Variants in TRAPPC3L observed in about 807,000 individuals in gnomAD.
TRAPPC3L encodes trafficking protein particle complex subunit 3-like protein.
Under a neutral mutation model 23.7 loss-of-function variants are expected in TRAPPC3L, and 23 were observed. The observed-to-expected ratio is 0.97, with a 90% CI of 0.70 to 1.37. The LOEUF is 1.37. Among genes scored for constraint, TRAPPC3L ranks in the 40% most tolerant of loss-of-function variants. TRAPPC3L has a pLI of 0.00. For missense variants in TRAPPC3L, 212 were observed against 216.8 expected (o/e 0.98, Z 0.14); for synonymous variants, 81 against 77.9 (o/e 1.04, Z -0.21).
At chr6:116,527,819 G>C (rs962219434) in intron 3 of TRAPPC3L, among the ~76,000 whole-genome samples, 1 of 152,208 alleles carries the variant, frequency 6.6e-6, no homozygotes, top group South Asian at 2.1e-4. Flanking sequence ...CTAGGAGGGA[G>C]AGCATTTGGA....
intron 3 of TRAPPC3L, among the ~76,000 whole-genome samples, chr6:116,536,910 A>G (rs910790471): frequency 6.6e-6 from 1 of 151,170 alleles, no homozygotes; most frequent in Non-Finnish European, 1.5e-5. Context: ...AGGATTAATA[A>G]GATAATGCTG....
chr6:116,544,021 C>G (rs557079014), intron 1 of TRAPPC3L: 26 of 667,006 alleles, frequency 3.9e-5, no homozygotes, highest in Non-Finnish European at 5.7e-5. Flanking sequence ...TTTCCAAGAA[C>G]CTAATAATAA....
At position 116,543,510 on chromosome 6, in the gene TRAPPC3L, AT is replaced by A. The variant is rs1042683723; in HGVS notation, c.43-111del. 321 of 899,482 alleles carry A rather than the reference AT, an allele frequency of 3.6e-4. 3 individuals are homozygous for A. The Middle Eastern group carries it at 0.025, about 70-fold the overall frequency. The allele number at this position is 899,482 out of a possible 1,614,324, so 55.7% of individuals were successfully genotyped here. A position where few individuals can be genotyped will look rare whatever the true frequency, so the allele number is the denominator to read the frequency against. On this transcript the variant is annotated intron_variant, in intron 1 of 4. Transcript: ENST00000368602. ...AAGTAGCCTTAGAAGTCACCTGTAC[AT>A]TTTTTCCTTCCTCCTATTATTGCAA... is the stretch of plus-strand genomic sequence containing the variant.
chr6:116,532,988 G>C (rs949741081), intron 3 of TRAPPC3L, among the ~76,000 whole-genome samples: 1 of 152,164 alleles, frequency 6.6e-6, no homozygotes, highest in African/African-American at 2.4e-5. Flanking sequence ...ACGTCAACTT[G>C]GTTAATTTAA....
At chr6:116,539,495 C>A (rs1773297716) in intron 3 of TRAPPC3L, among the ~76,000 whole-genome samples, 1 of 152,098 alleles carries the variant, frequency 6.6e-6, no homozygotes, top group Non-Finnish European at 1.5e-5. Flanking sequence ...CATATTATTT[C>A]TGGAACTTAA....
At chr6:116,507,798 G>A (rs775978324) in intron 3 of TRAPPC3L, among the ~76,000 whole-genome samples, 3 of 126,908 alleles carry the variant, frequency 2.4e-5, no homozygotes, top group Admixed American at 1.8e-4. Context: ...AAGTAACTTC[G>A]CAAAAACATC....
At chr6:116,511,907 A>G in intron 3 of TRAPPC3L, 2 of 1,613,978 alleles carry the variant, frequency 1.2e-6, no homozygotes, top group South Asian at 2.2e-5. Flanking sequence ...CTTTCTGAAC[A>G]ATAGGTCGTG....
intron 4 of TRAPPC3L, 48 bp downstream of exon 4, chr6:116,500,433 A>G (rs1433499249): frequency 1.4e-6 from 2 of 1,470,248 alleles, no homozygotes; most frequent in South Asian, 2.5e-5. Context: ...TTTTAGCCTT[A>G]GAAGGACTAA....
intron 3 of TRAPPC3L, among the ~76,000 whole-genome samples, chr6:116,529,836 C>A (rs1201040695): frequency 6.6e-6 from 1 of 152,068 alleles, no homozygotes; most frequent in Non-Finnish European, 1.5e-5. Flanking sequence ...ATTTTATGGC[C>A]CCCAGGCTGC....
At chr6:116,520,188 A>T (rs974365618) in intron 3 of TRAPPC3L, 4 of 152,118 alleles carry the variant, frequency 2.6e-5, no homozygotes, top group African/African-American at 7.2e-5. Flanking sequence ...TGATCCACTG[A>T]TTTACTCTAA....
At chr6:116,519,011 T>C (rs773308829) in intron 3 of TRAPPC3L, 3 of 152,214 alleles carry the variant, frequency 2.0e-5, no homozygotes, top group Non-Finnish European at 4.4e-5. Context: ...GTCCCACAAA[T>C]AGTCCTGGAG....
At chr6:116,511,910 A>G in intron 3 of TRAPPC3L, 2 of 1,613,988 alleles carry the variant, frequency 1.2e-6, no homozygotes, top group Non-Finnish European at 1.7e-6. Flanking sequence ...TCTGAACAAT[A>G]GGTCGTGGAG....
chr6:116,502,076 C>T (rs9387411), intron 3 of TRAPPC3L, among the ~76,000 whole-genome samples: 26,884 of 152,112 alleles, frequency 0.18, 2,498 homozygotes, highest in East Asian at 0.34. Context: ...CAAACTTCTC[C>T]GAGCTAAAGA....
intron 3 of TRAPPC3L, chr6:116,511,815 A>T (rs780250007): frequency 2.8e-5 from 45 of 1,614,030 alleles, no homozygotes; most frequent in Non-Finnish European, 3.7e-5. Flanking sequence ...GTGGCTTTTA[A>T]GTGCCCCTGC....
chr6:116,541,795 G>A (rs1250284500), intron 2 of TRAPPC3L, among the ~76,000 whole-genome samples: 1 of 151,780 alleles, frequency 6.6e-6, no homozygotes, highest in African/African-American at 2.4e-5. Flanking sequence ...GTGGTCAGAA[G>A]CCAAAACGTT....
chr6:116,505,520 C>T (rs533385514), intron 3 of TRAPPC3L, among the ~76,000 whole-genome samples: 115 of 152,166 alleles, frequency 7.6e-4, no homozygotes, highest in African/African-American at 2.6e-3. Context: ...AAAAACTCCT[C>T]TAAAGTTCAT....
At chr6:116,516,685 A>G (rs1213243606) in intron 3 of TRAPPC3L, 152 of 64,652 alleles carry the variant, frequency 2.4e-3, no homozygotes, top group Non-Finnish European at 5.6e-3. Flanking sequence ...ATATATATAT[A>G]TATATATATA....
chr6:116,516,140 C>G, intron 3 of TRAPPC3L: 1 of 1,054,030 alleles, frequency 9.5e-7, no homozygotes, highest in Non-Finnish European at 1.3e-6. Context: ...CTTTGAAGCT[C>G]TCAAGTGGAA....
At chr6:116,534,193 G>A (rs1300605371) in intron 3 of TRAPPC3L, among the ~76,000 whole-genome samples, 1 of 151,838 alleles carries the variant, frequency 6.6e-6, no homozygotes, top group African/African-American at 2.4e-5. Context: ...TGAAATGATT[G>A]TGTGATTCCT....
Sources: gnomAD v4.1 joint callset for allele counts (sites outside exome capture counted in the v4.1 genomes callset) on GRCh38, gnomAD v4.1.1 for gene constraint, MANE v1.5 for transcripts, NCBI Gene and HGNC (gene_info 2026-07-23, HGNC 2026-07-21) for gene names.